The following PPP1R21 variants were observed in gnomAD, a reference collection of about 807,000 sequenced individuals.
PPP1R21 encodes KLRAQ motif containing 1.
PPP1R21 carries 85 observed loss-of-function variants against 112.8 expected under a neutral mutation model. The observed-to-expected ratio is 0.75, with a 90% CI of 0.63 to 0.90. PPP1R21 has a LOEUF of 0.90. Ranked by LOEUF, PPP1R21 falls within the 40% of genes least tolerant of loss-of-function variation. The probability of loss-of-function intolerance (pLI) is 0.00; values close to 1 mark genes in which losing one functional copy is unlikely to be tolerated. For synonymous variants in PPP1R21, 381 were observed against 322.3 expected, an observed-to-expected ratio of 1.18 and a Z score of -1.95; for missense variants, 1,199 against 901.5, an observed-to-expected ratio of 1.33 and a Z score of -4.23.
In PPP1R21 at chr2:48,459,955, A is replaced by T. The variant is rs1405959820; in HGVS notation, c.540+37A>T. On this transcript the variant is annotated intron_variant, in intron 5 of 21. Transcript: ENST00000294952. ...TGTGAGAGCACACTAAAAAATAGTT[A>T]CAGCTTTTGTATTAATAAATTGTCT... 3 of 1,601,330 alleles carry T rather than the reference A, an allele frequency of 1.9e-6. No individual in the cohort carries two copies. In the East Asian group the frequency reaches 6.7e-5, roughly 36 times the overall value.
chr2:48,501,821 AC>A (rs1670129512), intron 17 of PPP1R21: 1 of 152,074 alleles, frequency 6.6e-6, no homozygotes. Flanking sequence ...AAAAAAAAAA[AC>A]AAATAAACAT....
intron 21 of PPP1R21, among the ~76,000 whole-genome samples, chr2:48,513,865 A>G (rs1670747024): frequency 6.6e-6 from 1 of 152,154 alleles, no homozygotes. Flanking sequence ...AAAGAATAAA[A>G]ATTATACAAA....
In PPP1R21 at chr2:48,461,166, G is replaced by A. The variant is rs2103802702; in HGVS notation, c.628G>A (p.Asp210Asn). Residue 210 changes from aspartate to asparagine, a missense_variant, in exon 7 of 22, where the codon GAT becomes AAT. Physicochemically the swap from Asp to Asn is conservative, Grantham distance 23. Coordinates refer to ENST00000294952, the MANE Select transcript of PPP1R21 (RefSeq NM_001135629.3). Reference sequence around the variant, plus strand: ...ATTACAGTTAAAGACTCTTCATGAAGATTTGTCAGGTAGATTAGAGGAATC... The same window carrying A: ...ATTACAGTTAAAGACTCTTCATGAAAATTTGTCAGGTAGATTAGAGGAATC... ...CQLQLKTLHE[D>N]LSGRLEESLS... 6.3e-7 allele frequency: 1 copy of A among 1,576,380 alleles called. No homozygotes were observed. The highest frequency in any genetic ancestry group is 2.3e-5 in the East Asian group (1 of 43,272).
intron 1 of PPP1R21, among the ~76,000 whole-genome samples, chr2:48,447,442 T>A (rs1667297156): frequency 6.6e-6 from 1 of 152,156 alleles, no homozygotes; most frequent in African/African-American, 2.4e-5. Context: ...CTGTTGAAAA[T>A]AAGCTCTATC....
At chr2:48,506,637 A>G (rs543128010) in intron 18 of PPP1R21, among the ~76,000 whole-genome samples, 284 of 152,252 alleles carry the variant, frequency 1.9e-3, no homozygotes, top group Non-Finnish European at 2.5e-3. Context: ...TGTTCAATAT[A>G]GAAATAGTTT....
intron 21 of PPP1R21, among the ~76,000 whole-genome samples, chr2:48,512,869 T>C (rs11674469): frequency 0.23 from 35,603 of 152,122 alleles, 4,848 homozygotes; most frequent in Non-Finnish European, 0.31. Flanking sequence ...CTTAACCTTT[T>C]GGTTTCTTGT....
chr2:48,443,613 G>A (rs544799554), intron 1 of PPP1R21, among the ~76,000 whole-genome samples: 48 of 152,304 alleles, frequency 3.2e-4, no homozygotes, highest in African/African-American at 1.1e-3. Flanking sequence ...TCCCCTATTG[G>A]ACCAGGCCAT....
chr2:48,498,497 A>G lies in PPP1R21; in HGVS notation c.1697A>G (p.Gln566Arg), dbSNP rs1302205420. 2 of 1,614,092 alleles carry G rather than the reference A, an allele frequency of 1.2e-6. No homozygotes were observed. Among genetic ancestry groups the G allele is most frequent in the East Asian group, 4.5e-5 (2 of 44,886 alleles). Residue 566 changes from glutamine (Q) to arginine (R), a missense_variant, in exon 17 of 22, where the codon CAA becomes CGA. By Grantham distance (43) the Gln-to-Arg change is conservative (BLOSUM62 1). Transcript: ENST00000294952. ...ESREGLAQQV[Q>R]QSLEKISKLE... ...AACACTCTGTTACTTTTCAAGGTTCAACAGAGTTTGGAAAAGATTTCTAAA... is the reference window on the plus strand; with the variant it reads ...AACACTCTGTTACTTTTCAAGGTTCGACAGAGTTTGGAAAAGATTTCTAAA...
chr2:48,444,533 C>T (rs1667167170), intron 1 of PPP1R21, among the ~76,000 whole-genome samples: 1 of 152,208 alleles, frequency 6.6e-6, no homozygotes, highest in South Asian at 2.1e-4. Context: ...AGCCTGCTTT[C>T]TTTGCGGGAG....
chr2:48,483,209 T>A (rs2103904477), intron 13 of PPP1R21, among the ~76,000 whole-genome samples: 1 of 137,328 alleles, frequency 7.3e-6, no homozygotes, highest in African/African-American at 2.7e-5. Context: ...TTTTTTTTTT[T>A]TTTTTTTTTT....
intron 14 of PPP1R21, among the ~76,000 whole-genome samples, chr2:48,489,039 A>G (rs1669438410): frequency 6.6e-6 from 1 of 152,236 alleles, no homozygotes; most frequent in African/African-American, 2.4e-5. Flanking sequence ...GTAGAATTTC[A>G]TTTGATATAG....
intron 9 of PPP1R21, among the ~76,000 whole-genome samples, chr2:48,466,941 T>C (rs1668232645): frequency 6.6e-6 from 1 of 152,158 alleles, no homozygotes; most frequent in Admixed American, 6.5e-5. Flanking sequence ...TTCACTTTGT[T>C]TGTAGGATTG....
At chr2:48,502,766 C>T (rs568566284) in intron 17 of PPP1R21, among the ~76,000 whole-genome samples, 1 of 150,760 alleles carries the variant, frequency 6.6e-6, no homozygotes, top group African/African-American at 2.4e-5. Context: ...CTGCAAGCTC[C>T]GCTTCCCGGG....
chr2:48,494,304 G>A (rs1199815710), intron 15 of PPP1R21, among the ~76,000 whole-genome samples: 2 of 142,554 alleles, frequency 1.4e-5, no homozygotes, highest in Non-Finnish European at 3.0e-5. Context: ...CATTTAATGT[G>A]CCTAACCTAC....
At position 48,488,667 on chromosome 2, in the gene PPP1R21, C is replaced by T. The variant is rs117923842; in HGVS notation, c.1446+1909C>T. On this transcript the variant is annotated intron_variant, in intron 14 of 21. Coordinates refer to ENST00000294952, the MANE Select transcript of PPP1R21 (RefSeq NM_001135629.3). ...ATTTTAGCTTTACTTTGCCTGAAACCGTAAAATGTCATCTCAAGGAAAGAT... is the reference window on the plus strand; with the variant it reads ...ATTTTAGCTTTACTTTGCCTGAAACTGTAAAATGTCATCTCAAGGAAAGAT... Among the ~76,000 whole-genome samples, 109 of 152,150 alleles carry T rather than the reference C, an allele frequency of 7.2e-4. No individual in the cohort carries two copies. The East Asian group carries it at 0.017, about 24-fold the overall frequency.
chr2:48,486,486 C>T, intron 13 of PPP1R21, 145 bp from the exon 14 acceptor site: 1 of 583,468 alleles, frequency 1.7e-6, no homozygotes, highest in Non-Finnish European at 3.0e-6. Flanking sequence ...AATTGATACT[C>T]AGTGCAATCC....
chr2:48,461,192 C>G lies in PPP1R21; in HGVS notation c.654C>G (p.Ser218=). Residue 218 remains serine, a synonymous_variant, in exon 7 of 22, where the codon TCC becomes TCG. Coordinates refer to ENST00000294952, the MANE Select transcript of PPP1R21 (RefSeq NM_001135629.3). ...HEDLSGRLEE[S]LSIINEKVPF... is the part of the protein sequence containing the mutation. ...ATTTGTCAGGTAGATTAGAGGAATC[C>G]TTATCAATCATCAATGAAAAAGTAC... The G allele has an allele frequency of 6.3e-7, 1 of 1,579,042 alleles. No homozygotes were observed. Among genetic ancestry groups the G allele is most frequent in the Non-Finnish European group, 8.6e-7 (1 of 1,169,002 alleles).
At chr2:48,459,699 C>G in intron 4 of PPP1R21, 55 bp from the exon 5 acceptor site, 3 of 1,555,320 alleles carry the variant, frequency 1.9e-6, no homozygotes, top group Non-Finnish European at 2.6e-6. Context: ...TGTTATTTTT[C>G]TCATTTATGT....
At chr2:48,467,694 A>G (rs906777058) in intron 9 of PPP1R21, among the ~76,000 whole-genome samples, 30 of 152,358 alleles carry the variant, frequency 2.0e-4, no homozygotes, top group Non-Finnish European at 4.0e-4. Flanking sequence ...GCCTTTTGAC[A>G]TAGCCTAGGT....
Sources: gnomAD v4.1 joint callset for allele counts (sites outside exome capture counted in the v4.1 genomes callset) on GRCh38, gnomAD v4.1.1 for gene constraint, MANE v1.5 for transcripts, NCBI Gene and HGNC (gene_info 2026-07-23, HGNC 2026-07-21) for gene names.